Variants in POM121 observed in about 807,000 individuals in gnomAD.
POM121 encodes nuclear envelope pore membrane protein POM 121.
A neutral mutation model predicts 81.3 loss-of-function variants in POM121; 32 were observed. The observed-to-expected ratio is 0.39, with a 90% CI of 0.30 to 0.53. POM121 has a LOEUF of 0.53. Among genes scored for constraint, POM121 ranks in the 20% least tolerant of loss-of-function variants. POM121 has a pLI of 0.66. For missense variants in POM121, 1,138 were observed against 1,614.6 expected (o/e 0.70, Z 5.06); for synonymous variants, 514 against 694.2 (o/e 0.74, Z 4.08).
chr7:72,897,888 G>A (rs1243926082), intron 3 of POM121, among the ~76,000 whole-genome samples: 1 of 152,156 alleles, frequency 6.6e-6, no homozygotes, highest in Non-Finnish European at 1.5e-5. Context: ...GTTTGGTGGT[G>A]CGTGCCTGTA....
chr7:72,913,437 C>A (rs538235275), intron 3 of POM121, among the ~76,000 whole-genome samples: 1 of 152,314 alleles, frequency 6.6e-6, no homozygotes, highest in Admixed American at 6.5e-5. Context: ...TGAATTTGAT[C>A]TTCTATACTG....
chr7:72,932,732 G>T (rs1369804688), intron 5 of POM121, among the ~76,000 whole-genome samples: 1 of 152,038 alleles, frequency 6.6e-6, no homozygotes, highest in Admixed American at 6.6e-5. Flanking sequence ...TTGTAGCTCT[G>T]GGCTTTTACC....
At chr7:72,899,618 G>A (rs371041801) in intron 3 of POM121, among the ~76,000 whole-genome samples, 62 of 138,054 alleles carry the variant, frequency 4.5e-4, no homozygotes, top group Non-Finnish European at 8.0e-4. Flanking sequence ...TCGCTCTGTC[G>A]CCCAGGCTGG....
intron 3 of POM121, among the ~76,000 whole-genome samples, chr7:72,903,559 A>C (rs1792925319): frequency 6.6e-6 from 1 of 152,152 alleles, no homozygotes; most frequent in Admixed American, 6.5e-5. Context: ...TGACTTTCTA[A>C]ACCATTTTTG....
At chr7:72,949,254 C>A, downstream of POM121, 1 of 825,124 alleles carries the variant, frequency 1.2e-6, no homozygotes, top group African/African-American at 1.7e-5. Flanking sequence ...ACAGATGACT[C>A]CAGGTCTAAG....
At chr7:72,908,666 G>T (rs1254838131) in intron 3 of POM121, among the ~76,000 whole-genome samples, 1 of 152,210 alleles carries the variant, frequency 6.6e-6, no homozygotes, top group South Asian at 2.1e-4. Context: ...TTCCCAGAGC[G>T]GCCATTTTAG....
At chr7:72,921,391 C>T (rs1338720189), upstream of POM121, among the ~76,000 whole-genome samples, 2 of 152,068 alleles carry the variant, frequency 1.3e-5, no homozygotes, top group Admixed American at 1.3e-4. Flanking sequence ...GCATAGTGCC[C>T]TCCTTTCTTT....
At chr7:72,949,912 G>T (rs1554504422), downstream of POM121, 2 of 1,612,104 alleles carry the variant, frequency 1.2e-6, no homozygotes, top group Admixed American at 1.7e-5. Context: ...AGGCATCCAT[G>T]ACATGGGAGC....
chr7:72,933,834 C>T (rs1328884637), intron 5 of POM121, among the ~76,000 whole-genome samples: 1 of 152,208 alleles, frequency 6.6e-6, no homozygotes, highest in Non-Finnish European at 1.5e-5. Context: ...GACTGAATAA[C>T]TTACAGTATT....
intron 3 of POM121, among the ~76,000 whole-genome samples, chr7:72,897,387 A>G (rs1293426996): frequency 6.6e-6 from 1 of 152,184 alleles, no homozygotes; most frequent in Non-Finnish European, 1.5e-5. Flanking sequence ...CAGCAGAAAA[A>G]GCCAATGAGG....
At chr7:72,918,159 C>G (rs1554495398) in intron 4 of POM121, among the ~76,000 whole-genome samples, 3 of 152,188 alleles carry the variant, frequency 2.0e-5, no homozygotes, top group African/African-American at 7.2e-5. Context: ...ACAATTAGGC[C>G]TCCAGATAAC....
intron 3 of POM121, among the ~76,000 whole-genome samples, chr7:72,895,213 C>T (rs1791821167): frequency 6.6e-6 from 1 of 152,164 alleles, no homozygotes; most frequent in Non-Finnish European, 1.5e-5. Context: ...CCTAAAGGCT[C>T]CCAACAGGGC....
intron 4 of POM121, among the ~76,000 whole-genome samples, chr7:72,919,163 C>A (rs1794571053): frequency 1.3e-5 from 2 of 151,210 alleles, no homozygotes; most frequent in African/African-American, 4.9e-5. Context: ...GCCTTAGCCT[C>A]CCAAAGTGCT....
intron 3 of POM121, among the ~76,000 whole-genome samples, chr7:72,898,067 T>C (rs1297990457): frequency 1.3e-5 from 2 of 152,118 alleles, no homozygotes; most frequent in Non-Finnish European, 2.9e-5. Context: ...ATGCTTTGCA[T>C]GCAGTGTGTA....
upstream of POM121, chr7:72,924,903 C>T (rs1164557246): frequency 8.1e-6 from 6 of 741,332 alleles, no homozygotes; most frequent in Admixed American, 4.3e-5. Context: ...GGATCGCCTC[C>T]GGATGGATGT....
chr7:72,920,316 T>C (rs1300933002), upstream of POM121, among the ~76,000 whole-genome samples: 1 of 151,726 alleles, frequency 6.6e-6, no homozygotes, highest in African/African-American at 2.4e-5. Context: ...TGCCACACAT[T>C]GGAAATTTTA....
rs1563127251 is a variant in POM121 at position 72,880,136 on chromosome 7, C to T, written c.-521+251C>T. Among the ~76,000 whole-genome samples the T allele has an allele frequency of 9.8e-5, 15 of 152,324 alleles. No individual in the cohort carries two copies. The South Asian group carries it at 3.1e-3, about 32-fold the overall frequency. On this transcript the variant is annotated intron_variant, in intron 1 of 15. Transcript: ENST00000395270. ...ACGTCATCTCCACTCCCCGCTAACC[C>T]CTAACAGTCCTTCCTCCTCCTCTCT... is the stretch of plus-strand genomic sequence containing the variant.
Position 72,938,625 on chromosome 7 carries a change from C to T in POM121, c.1311C>T (p.Phe437=). 3 of 1,613,956 alleles carry T rather than the reference C, an allele frequency of 1.9e-6. No homozygotes were observed. Among genetic ancestry groups the T allele is most frequent in the Non-Finnish European group, 2.5e-6 (3 of 1,179,838 alleles). ...WKRNGPSSSP[F]SSPASSRSQT... is the part of the protein sequence containing the mutation. Reference sequence around the variant, plus strand: ...GAAATGGCCCCAGTTCATCACCCTTCTCTAGCCCAGCCTCCTCCCGCTCCC... The same window carrying T: ...GAAATGGCCCCAGTTCATCACCCTTTTCTAGCCCAGCCTCCTCCCGCTCCC... The change falls in exon 6 of 13, where the codon TTC becomes TTT. Residue 437 remains phenylalanine (F), a synonymous_variant. Transcript: ENST00000434423.
chr7:72,928,322 A>G, intron 3 of POM121, 63 bp from the exon 4 acceptor site: 1 of 1,589,768 alleles, frequency 6.3e-7, no homozygotes, highest in Non-Finnish European at 8.6e-7. Context: ...AAATATGAGA[A>G]TACACTTTAA....
Sources: gnomAD v4.1 joint callset for allele counts (sites outside exome capture counted in the v4.1 genomes callset) on GRCh38, gnomAD v4.1.1 for gene constraint, MANE v1.5 for transcripts, NCBI Gene and HGNC (gene_info 2026-07-23, HGNC 2026-07-21) for gene names.